Variants in AOAH observed in about 807,000 individuals in gnomAD.
The protein encoded by AOAH is acyloxyacyl hydrolase (neutrophil).
Under a neutral mutation model 92.2 loss-of-function variants are expected in AOAH, and 64 were observed. The ratio of observed to expected loss-of-function variants is 0.69; its 90% confidence interval spans 0.57 to 0.86. AOAH has a LOEUF of 0.86. Among genes scored for constraint, AOAH ranks in the 40% least tolerant of loss-of-function variants. The pLI is 0.00. For synonymous variants in AOAH, 263 were observed against 254.5 expected (o/e 1.03, Z -0.32); for missense variants, 656 against 694.6 (o/e 0.94, Z 0.62).
At chr7:36,608,002 G>C (rs1248449365) in intron 11 of AOAH, among the ~76,000 whole-genome samples, 1 of 152,216 alleles carries the variant, frequency 6.6e-6, no homozygotes, top group Non-Finnish European at 1.5e-5. Flanking sequence ...TGCTCAGCTG[G>C]AGGTTAAGCC....
In AOAH at chr7:36,513,330, C is replaced by T; in HGVS notation, c.1650G>A (p.Gln550=). ...TCTCCTTTCCCAGGATTTGGGGCCA[C>T]TGGAGCTGCACCTTTTTCCAGAAAT... ...ADHFWKKVQL[Q]WPQILGKENP... Residue 550 remains glutamine (Q), a synonymous_variant, in exon 21 of 21, where the codon CAG becomes CAA. Transcript: ENST00000617537. The T allele has an allele frequency of 1.2e-6, 2 of 1,614,196 alleles. No individual in the cohort carries two copies. The highest frequency in any genetic ancestry group is 1.7e-5 in the Admixed American group (1 of 60,024).
intron 1 of AOAH, among the ~76,000 whole-genome samples, chr7:36,687,854 T>G (rs1409577863): frequency 2.6e-5 from 4 of 152,188 alleles, no homozygotes; most frequent in South Asian, 2.1e-4. Context: ...ATAACGGATA[T>G]GAACAATAAA....
chr7:36,573,798 A>G (rs2116612377), intron 13 of AOAH, among the ~76,000 whole-genome samples: 1 of 152,322 alleles, frequency 6.6e-6, no homozygotes, highest in South Asian at 2.1e-4. Context: ...GATCTCTTAC[A>G]TAAGGATCAG....
chr7:36,703,044 T>G (rs1327464508), intron 1 of AOAH, among the ~76,000 whole-genome samples: 1 of 152,202 alleles, frequency 6.6e-6, no homozygotes, highest in Non-Finnish European at 1.5e-5. Context: ...AAAAAACATC[T>G]TTATTTGCTT....
chr7:36,635,776 T>C (rs138959796), intron 5 of AOAH, among the ~76,000 whole-genome samples: 20 of 152,328 alleles, frequency 1.3e-4, no homozygotes, highest in African/African-American at 4.6e-4. Flanking sequence ...GTTTCTCACC[T>C]ACTAGCTATG....
At chr7:36,684,614 G>A (rs886513035) in intron 2 of AOAH, among the ~76,000 whole-genome samples, 4 of 151,788 alleles carry the variant, frequency 2.6e-5, no homozygotes, top group African/African-American at 4.8e-5. Context: ...CGACAGCTGC[G>A]ACCATCACCA....
At chr7:36,657,207 G>A (rs1794945988) in intron 4 of AOAH, among the ~76,000 whole-genome samples, 1 of 152,192 alleles carries the variant, frequency 6.6e-6, no homozygotes, top group African/African-American at 2.4e-5. Context: ...AGACACCCCA[G>A]GGGAGTTTCT....
intron 6 of AOAH, among the ~76,000 whole-genome samples, chr7:36,627,016 T>C (rs1479135560): frequency 6.6e-6 from 1 of 152,264 alleles, no homozygotes; most frequent in Non-Finnish European, 1.5e-5. Context: ...TAGAAATATC[T>C]AGCTGTATGT....
At chr7:36,587,551 A>G (rs1789431923) in intron 12 of AOAH, among the ~76,000 whole-genome samples, 9 of 152,140 alleles carry the variant, frequency 5.9e-5, no homozygotes, top group Admixed American at 5.9e-4. Context: ...CATCATCTTA[A>G]TCATACACTA....
At chr7:36,649,002 A>G (rs1794409777) in intron 4 of AOAH, among the ~76,000 whole-genome samples, 1 of 152,218 alleles carries the variant, frequency 6.6e-6, no homozygotes, top group Admixed American at 6.5e-5. Flanking sequence ...AGATAATGGA[A>G]TAACTTTATA....
At chr7:36,608,397 G>A (rs1325075195) in intron 11 of AOAH, among the ~76,000 whole-genome samples, 3 of 152,232 alleles carry the variant, frequency 2.0e-5, no homozygotes, top group Non-Finnish European at 4.4e-5. Flanking sequence ...AGGCTCTGTG[G>A]ACATGGTCTC....
intron 6 of AOAH, among the ~76,000 whole-genome samples, chr7:36,629,443 C>T (rs1373245307): frequency 6.6e-6 from 1 of 152,060 alleles, no homozygotes; most frequent in Non-Finnish European, 1.5e-5. Context: ...TTAATGGGAG[C>T]TAGGCATGAT....
intron 3 of AOAH, among the ~76,000 whole-genome samples, chr7:36,659,660 A>G (rs570229583): frequency 1.2e-3 from 189 of 152,204 alleles, no homozygotes; most frequent in African/African-American, 4.4e-3. Context: ...GTGAAAAATC[A>G]TTTACGATAT....
intron 4 of AOAH, among the ~76,000 whole-genome samples, chr7:36,646,250 A>C (rs1194658598): frequency 6.6e-6 from 1 of 152,256 alleles, no homozygotes; most frequent in Non-Finnish European, 1.5e-5. Flanking sequence ...GAGAAATCCA[A>C]GACCCGGTGC....
At chr7:36,576,687 G>T in intron 12 of AOAH, 31 bp from the exon 13 acceptor site, 30 of 1,151,006 alleles carry the variant, frequency 2.6e-5, no homozygotes, top group Non-Finnish European at 3.5e-5. Flanking sequence ...TATATTTAAG[G>T]TCAGGATACT....
intron 13 of AOAH, among the ~76,000 whole-genome samples, chr7:36,564,820 T>C (rs966324202): frequency 3.3e-5 from 5 of 152,228 alleles, no homozygotes; most frequent in Non-Finnish European, 5.9e-5. Flanking sequence ...ATCACTGTCA[T>C]GCCTTGCTCC....
intron 6 of AOAH, among the ~76,000 whole-genome samples, chr7:36,627,334 C>A (rs1010914549): frequency 3.3e-5 from 5 of 152,092 alleles, no homozygotes; most frequent in African/African-American, 1.2e-4. Flanking sequence ...AGCAATTGGA[C>A]TGAGGACAGC....
At chr7:36,678,862 G>T (rs1796469551) in intron 2 of AOAH, among the ~76,000 whole-genome samples, 2 of 152,168 alleles carry the variant, frequency 1.3e-5, no homozygotes, top group South Asian at 4.1e-4. Context: ...GCCATGATCA[G>T]ATGGTAACCT....
intron 13 of AOAH, among the ~76,000 whole-genome samples, chr7:36,552,568 G>A (rs1786346469): frequency 6.6e-6 from 1 of 152,162 alleles, no homozygotes; most frequent in African/African-American, 2.4e-5. Flanking sequence ...AAATCTTTGA[G>A]GAAGTGCCAC....
Sources: allele counts gnomAD v4.1 joint callset (sites outside exome capture counted in the v4.1 genomes callset), GRCh38; gene constraint gnomAD v4.1.1; transcripts MANE v1.5; gene names NCBI Gene and HGNC (gene_info 2026-07-23, HGNC 2026-07-21).